PTDSS2: variants seen among roughly 807,000 people sequenced by gnomAD.
PTDSS2 encodes the protein phosphatidylserine synthase 2.
In PTDSS2, 41 loss-of-function variants were observed where a neutral mutation model predicts 64.7. That is an observed-to-expected ratio of 0.63 (90% CI 0.49 to 0.82). PTDSS2 has a LOEUF of 0.82. PTDSS2 is among the 40% of genes least tolerant of loss of function. The probability of loss-of-function intolerance (pLI) is 0.00; values close to 1 mark genes in which losing one functional copy is unlikely to be tolerated. For synonymous variants in PTDSS2, 297 were observed against 277.8 expected (o/e 1.07, Z -0.69); for missense variants, 485 against 650.0 (o/e 0.75, Z 2.76).
At chr11:478,342 C>T (rs1421617897) in intron 3 of PTDSS2, among the ~76,000 whole-genome samples, 2 of 151,692 alleles carry the variant, frequency 1.3e-5, no homozygotes, top group African/African-American at 4.8e-5. Context: ...ACCTGTGGTC[C>T]CAGCTACTCA....
upstream of PTDSS2, among the ~76,000 whole-genome samples, chr11:448,763 A>T (rs1307532607): frequency 1.3e-5 from 2 of 152,238 alleles, no homozygotes; most frequent in African/African-American, 4.8e-5. Context: ...TGTGAGTTAT[A>T]TTTCAATAAA....
Position 488,559 on chromosome 11 carries a change from C to G in PTDSS2, c.766C>G (p.Leu256Val). The G allele has an allele frequency of 6.2e-7, 1 of 1,613,562 alleles. No individual in the cohort carries two copies. Among genetic ancestry groups the G allele is most frequent in the South Asian group, 1.1e-5 (1 of 91,086 alleles). Reference protein sequence around the residue: ...WIMDVLVCNGLGIYCGMKTLE... With the variant: ...WIMDVLVCNGVGIYCGMKTLE... Reference sequence around the variant, plus strand: ...CATGGACGTGCTCGTCTGCAACGGGCTGGGCATCTACTGCGGCATGAAGAC... The same window carrying G: ...CATGGACGTGCTCGTCTGCAACGGGGTGGGCATCTACTGCGGCATGAAGAC... The change falls in exon 8 of 12, where the codon CTG becomes GTG. Residue 256 changes from leucine (L) to valine (V), a missense_variant. By Grantham distance (32) the Leu-to-Val change is conservative (BLOSUM62 1). Around this residue, in one of 3 missense-constraint regions of PTDSS2, gnomAD observed 251 missense variants for 348.0 expected, o/e 0.72. Coordinates refer to ENST00000308020, the MANE Select transcript of PTDSS2 (RefSeq NM_030783.3).
intron 1 of PTDSS2, chr11:451,276 C>T (rs1846315132): frequency 1.0e-5 from 4 of 391,258 alleles, no homozygotes; most frequent in South Asian, 3.5e-5. Context: ...TCCCCCTGTC[C>T]GCCACTCTGC....
chr11:469,724 C>G (rs1258415702), intron 2 of PTDSS2, among the ~76,000 whole-genome samples: 1 of 152,068 alleles, frequency 6.6e-6, no homozygotes, highest in East Asian at 1.9e-4. Context: ...TGAGCACACC[C>G]AGGCCCAGAT....
chr11:483,865 C>T (rs1848179165), intron 4 of PTDSS2, among the ~76,000 whole-genome samples: 1 of 152,200 alleles, frequency 6.6e-6, no homozygotes, highest in Non-Finnish European at 1.5e-5. Flanking sequence ...CGCACTGGCA[C>T]CATCACCATG....
At chr11:456,170 C>CTTTTTTTTTTTTTTTTTTTT (rs71022912) in intron 1 of PTDSS2, among the ~76,000 whole-genome samples, 1 of 114,894 alleles carries the variant, frequency 8.7e-6, no homozygotes, top group Non-Finnish European at 1.8e-5. Flanking sequence ...TTCTTTCATT[C>CTTTTTTTTTTTTTTTTTTTT]TTTTTTTTTT....
At chr11:468,785 T>TGGAGGAGGGGAGTCTCTGGGTAATC (rs1564972193) in intron 2 of PTDSS2, among the ~76,000 whole-genome samples, 1 of 95,540 alleles carries the variant, frequency 1.0e-5, no homozygotes, top group East Asian at 3.4e-4. Flanking sequence ...TCTGGGTAAT[T>TGGAGGAGGGGAGTCTCTGGGTAATC]GGAGGAGGGG....
intron 2 of PTDSS2, among the ~76,000 whole-genome samples, chr11:468,205 T>G (rs1179104185): frequency 6.6e-6 from 1 of 152,214 alleles, no homozygotes; most frequent in Non-Finnish European, 1.5e-5. Flanking sequence ...TACACATTCC[T>G]AAGTGAGAGG....
intron 1 of PTDSS2, among the ~76,000 whole-genome samples, chr11:455,725 C>A (rs1024411668): frequency 6.6e-6 from 1 of 152,224 alleles, no homozygotes; most frequent in African/African-American, 2.4e-5. Context: ...GCCCTCCTGG[C>A]GTGGTTTTAC....
rs147270893 is a variant in PTDSS2 at position 476,329 on chromosome 11, G to C, written c.367+2352G>C. On this transcript the variant is annotated intron_variant, in intron 3 of 11. Transcript: ENST00000308020. This position sits in a 1 kb window ranked among gnomAD's most constrained non-coding sequence, Gnocchi z 4.9. Reference sequence around the variant, plus strand: ...GTCACACAGTGAAAAGCCTGGCGCCGTGACGGTGAGAAACTGCCCGTCACA... The same window carrying C: ...GTCACACAGTGAAAAGCCTGGCGCCCTGACGGTGAGAAACTGCCCGTCACA... Among the ~76,000 whole-genome samples, 732 of 152,324 alleles carry C rather than the reference G, an allele frequency of 4.8e-3. 6 individuals are homozygous for C. The highest frequency in any genetic ancestry group is 5.7e-3 in the Non-Finnish European group (386 of 68,028).
In PTDSS2 at chr11:489,631, T is replaced by C; in HGVS notation, c.1013T>C (p.Leu338Pro). ...ELNTFYLKFV[L>P]WMPPEHYLVL... Reference sequence around the variant, plus strand: ...AACACGTTCTACCTGAAGTTTGTGCTGTGGATGCCCCCGGAGCACTACCTG... The same window carrying C: ...AACACGTTCTACCTGAAGTTTGTGCCGTGGATGCCCCCGGAGCACTACCTG... The change falls in exon 10 of 12, where the codon CTG (leucine) becomes CCG (proline). Residue 338 changes from leucine (L) to proline (P), a missense_variant. By Grantham distance (98) the Leu-to-Pro change is moderately conservative. Around this residue, in one of 3 missense-constraint regions of PTDSS2, gnomAD observed 219 missense variants for 257.3 expected, o/e 0.85. Coordinates refer to ENST00000308020, the MANE Select transcript of PTDSS2 (RefSeq NM_030783.3). The C allele has an allele frequency of 6.3e-7, 1 of 1,595,644 alleles. No homozygotes were observed. The highest frequency in any genetic ancestry group is 8.5e-7 in the Non-Finnish European group (1 of 1,171,064).
At chr11:477,295 TC>T (rs1429523613) in intron 3 of PTDSS2, among the ~76,000 whole-genome samples, 1 of 152,244 alleles carries the variant, frequency 6.6e-6, no homozygotes, top group Non-Finnish European at 1.5e-5. Context: ...GGCATTTTCT[TC>T]CTGGCTCCCT....
intron 2 of PTDSS2, among the ~76,000 whole-genome samples, chr11:465,760 C>CCG (rs1847113365): frequency 6.6e-6 from 1 of 151,040 alleles, no homozygotes; most frequent in Non-Finnish European, 1.5e-5. Context: ...ACCACCCCCC[C>CCG]CCCATCTCTA....
At position 490,810 on chromosome 11, in the gene PTDSS2, G is replaced by A. The variant is rs1319345754; in HGVS notation, c.*228G>A. 1.9e-5 allele frequency: 11 copies of A among 574,900 alleles called. No individual in the cohort carries two copies. The highest frequency in any genetic ancestry group is 1.1e-4 in the South Asian group (5 of 46,244). The allele number at this position is 574,900 out of a possible 1,614,324, so 35.6% of individuals were successfully genotyped here. ...TATGCGTGTGTGTACGCGTGTGTAC[G>A]CGCGTGTGTACACATGCGTGGCCGC... On this transcript the variant is annotated 3_prime_UTR_variant, in exon 12 of 12. Transcript: ENST00000308020.
Position 460,820 on chromosome 11 carries a change from G to A in PTDSS2, c.284+532G>A, listed in dbSNP as rs1236906376. On this transcript the variant is annotated intron_variant, in intron 2 of 11. Coordinates refer to ENST00000308020, the MANE Select transcript of PTDSS2 (RefSeq NM_030783.3). This position sits in a 1 kb window ranked among gnomAD's most constrained non-coding sequence, Gnocchi z 5.8. ...GTGTGTCCTCTGCCTGAATTCCATG[G>A]ATTCTGACGCCAGTCTCAGAAGTGC... 6.5e-6 allele frequency: 1 copy of A among 153,382 alleles called. No individual in the cohort carries two copies. The allele number at this position is 153,382 out of a possible 1,614,324, so 9.5% of individuals were successfully genotyped here.
intron 4 of PTDSS2, among the ~76,000 whole-genome samples, chr11:481,695 C>T (rs951416721): frequency 1.3e-5 from 2 of 152,150 alleles, no homozygotes; most frequent in African/African-American, 4.8e-5. Context: ...ACTGATCTTG[C>T]GTCCTGCAAC....
chr11:477,472 G>C (rs898667438), intron 3 of PTDSS2, among the ~76,000 whole-genome samples: 92 of 152,334 alleles, frequency 6.0e-4, no homozygotes, highest in African/African-American at 2.1e-3. Context: ...CAGGAATGCA[G>C]ACCAAGGGCC....
intron 2 of PTDSS2, among the ~76,000 whole-genome samples, chr11:464,776 T>C (rs1847066097): frequency 6.6e-6 from 1 of 152,194 alleles, no homozygotes; most frequent in Non-Finnish European, 1.5e-5. Flanking sequence ...TTAAACTTAG[T>C]AAATTAAACC....
chr11:482,718 G>C (rs1357223702), intron 4 of PTDSS2, among the ~76,000 whole-genome samples: 1 of 152,192 alleles, frequency 6.6e-6, no homozygotes, highest in Non-Finnish European at 1.5e-5. Flanking sequence ...CTTACCGAGT[G>C]GAGAAAGTTC....
Sources: allele counts gnomAD v4.1 joint callset (sites outside exome capture counted in the v4.1 genomes callset), GRCh38; gene constraint gnomAD v4.1.1; regional missense constraint gnomAD v4.1.1; non-coding constraint Gnocchi (gnomAD v3.1); transcripts MANE v1.5; gene names NCBI Gene and HGNC (gene_info 2026-07-23, HGNC 2026-07-21).